Variants in PTPRD observed in about 807,000 individuals in gnomAD.
The protein encoded by PTPRD is receptor-type tyrosine-protein phosphatase delta.
In PTPRD, 34 loss-of-function variants were observed where a neutral mutation model predicts 214.5. The ratio of observed to expected loss-of-function variants is 0.16; its 90% CI spans 0.12 to 0.21. PTPRD has a LOEUF of 0.21. PTPRD is among the 10% of genes least tolerant of loss of function. The pLI is 1.00. For missense variants in PTPRD, 2,545 were observed against 2,398.7 expected (o/e 1.06, Z -1.27); for synonymous variants, 1,128 against 845.7 (o/e 1.33, Z -5.79).
intron 11 of PTPRD, among the ~76,000 whole-genome samples, chr9:8,891,756 A>G (rs2098542020): frequency 6.6e-6 from 1 of 152,138 alleles, no homozygotes; most frequent in Admixed American, 6.6e-5. Flanking sequence ...CATTGAAAAC[A>G]TTTATTAGGA....
chr9:9,809,090 G>GAGGGC (rs1345110722), intron 5 of PTPRD, among the ~76,000 whole-genome samples: 1 of 151,882 alleles, frequency 6.6e-6, no homozygotes, highest in Non-Finnish European at 1.5e-5. Context: ...CTAGCCTGAA[G>GAGGGC]AGGGCATTTA....
intron 2 of PTPRD, among the ~76,000 whole-genome samples, chr9:10,359,964 T>C (rs935129232): frequency 6.6e-6 from 1 of 152,222 alleles, no homozygotes; most frequent in Non-Finnish European, 1.5e-5. Context: ...TGCATTTGAA[T>C]CTTTTATACA....
chr9:9,045,345 T>A lies in PTPRD; in HGVS notation c.-142-26610A>T, dbSNP rs2099668969. 2.0e-5 allele frequency among the ~76,000 whole-genome samples: 3 copies of A among 152,130 alleles called. No homozygotes were observed. In the South Asian group the frequency reaches 6.2e-4, roughly 31 times the overall value. Reference sequence around the variant, plus strand: ...ATTTCTCTTTAGCACTTCTCAGTTATCACAGTGCTTGAGTGTTGGCCATTA... The same window carrying A: ...ATTTCTCTTTAGCACTTCTCAGTTAACACAGTGCTTGAGTGTTGGCCATTA... On this transcript the variant is annotated intron_variant, in intron 10 of 45. Transcript: ENST00000381196.
intron 3 of PTPRD, among the ~76,000 whole-genome samples, chr9:10,122,582 G>A (rs1176059767): frequency 1.3e-5 from 2 of 152,100 alleles, no homozygotes; most frequent in Admixed American, 6.6e-5. Flanking sequence ...TTTGCCTACT[G>A]AACGTAAGTA....
intron 2 of PTPRD, among the ~76,000 whole-genome samples, chr9:10,399,546 A>T (rs1401056559): frequency 6.6e-6 from 1 of 151,986 alleles, no homozygotes; most frequent in Non-Finnish European, 1.5e-5. Flanking sequence ...AAGAGGCTTC[A>T]TGAAGCTATG....
intron 9 of PTPRD, among the ~76,000 whole-genome samples, chr9:9,212,703 A>G (rs10977582): frequency 0.12 from 18,711 of 152,140 alleles, 1,319 homozygotes; most frequent in Middle Eastern, 0.16. Context: ...GTATGTTTTG[A>G]TTATCATTTA....
chr9:9,838,487 T>G (rs1472363248), intron 5 of PTPRD, among the ~76,000 whole-genome samples: 3 of 152,184 alleles, frequency 2.0e-5, no homozygotes, highest in African/African-American at 7.2e-5. Context: ...TGTATCTCAT[T>G]GTGGTTTTGA....
intron 7 of PTPRD, among the ~76,000 whole-genome samples, chr9:9,603,353 T>A (rs76477831): frequency 0.013 from 1,997 of 152,226 alleles, 51 homozygotes; most frequent in African/African-American, 0.045. Flanking sequence ...CTGTGAGATG[T>A]TTAAGTACCA....
intron 9 of PTPRD, among the ~76,000 whole-genome samples, chr9:9,384,173 T>G (rs1207905093): frequency 1.3e-5 from 2 of 151,688 alleles, no homozygotes; most frequent in Non-Finnish European, 2.9e-5. Context: ...TATATCTCAG[T>G]GTGTTACTTA....
intron 41 of PTPRD, 100 bp downstream of exon 41, chr9:8,340,990 G>A: frequency 8.0e-7 from 1 of 1,249,664 alleles, no homozygotes; most frequent in Non-Finnish European, 1.1e-6. Flanking sequence ...TATGCAGAAA[G>A]AAAATGTCTT....
At chr9:10,453,599 C>CAT (rs2130931875) in intron 2 of PTPRD, among the ~76,000 whole-genome samples, 1 of 151,532 alleles carries the variant, frequency 6.6e-6, no homozygotes, top group South Asian at 2.1e-4. Context: ...ATTTTTCAGG[C>CAT]ATTTCATTGT....
At chr9:10,251,399 CTT>C (rs148395499) in intron 3 of PTPRD, among the ~76,000 whole-genome samples, 87,184 of 149,324 alleles carry the variant, frequency 0.58, 27,070 homozygotes, top group East Asian at 0.73. Flanking sequence ...TCTTTCCATT[CTT>C]TTTTTTTTTT....
intron 35 of PTPRD, among the ~76,000 whole-genome samples, chr9:8,422,783 C>G (rs1234232905): frequency 2.6e-5 from 4 of 152,204 alleles, no homozygotes; most frequent in Admixed American, 6.5e-5. Context: ...TCCACCAACT[C>G]TAACACTTAG....
intron 43 of PTPRD, among the ~76,000 whole-genome samples, chr9:8,336,891 C>T (rs1393748381): frequency 2.6e-5 from 4 of 152,148 alleles, no homozygotes; most frequent in African/African-American, 4.8e-5. Context: ...ATCAAAACCA[C>T]AATGAGATAC....
At chr9:9,273,994 C>A (rs897557059) in intron 9 of PTPRD, among the ~76,000 whole-genome samples, 1 of 151,268 alleles carries the variant, frequency 6.6e-6, no homozygotes, top group Non-Finnish European at 1.5e-5. Flanking sequence ...TTACATCCTG[C>A]CACATCCTCC....
At chr9:8,401,431 G>A (rs771099286) in intron 36 of PTPRD, among the ~76,000 whole-genome samples, 22 of 151,942 alleles carry the variant, frequency 1.4e-4, no homozygotes, top group Non-Finnish European at 2.8e-4. Context: ...AAACATAGAG[G>A]GGATGCCAAT....
chr9:10,083,891 A>G (rs2098283605), intron 3 of PTPRD, among the ~76,000 whole-genome samples: 1 of 151,964 alleles, frequency 6.6e-6, no homozygotes, highest in South Asian at 2.1e-4. Flanking sequence ...ACCTCTTGCT[A>G]TTTGGCCCAG....
At chr9:9,726,837 G>T (rs2098102788) in intron 7 of PTPRD, among the ~76,000 whole-genome samples, 1 of 152,072 alleles carries the variant, frequency 6.6e-6, no homozygotes, top group African/African-American at 2.4e-5. Flanking sequence ...AAAATGGATA[G>T]GAGTGTCAGC....
At chr9:8,524,080 T>TA (rs939921174) in intron 18 of PTPRD, among the ~76,000 whole-genome samples, 6 of 150,984 alleles carry the variant, frequency 4.0e-5, no homozygotes, top group Admixed American at 1.3e-4. Context: ...TTCCACTGGA[T>TA]AAAAAAAACT....
Sources: gnomAD v4.1 joint callset for allele counts (sites outside exome capture counted in the v4.1 genomes callset) on GRCh38, gnomAD v4.1.1 for gene constraint, MANE v1.5 for transcripts, NCBI Gene and HGNC (gene_info 2026-07-23, HGNC 2026-07-21) for gene names.